Variants in LINGO2 observed in about 807,000 individuals in gnomAD.
LINGO2 encodes the protein leucine-rich repeat and immunoglobulin-like domain-containing nogo receptor-interacting protein 2.
In LINGO2, 14 loss-of-function variants were observed where a neutral mutation model predicts 30.6. That is an observed-to-expected ratio of 0.46 (90% CI 0.30 to 0.72). LINGO2 has a LOEUF of 0.72. Among genes scored for constraint, LINGO2 ranks in the 30% least tolerant of loss-of-function variants. The pLI, the probability that LINGO2 is intolerant of heterozygous loss-of-function variation, is 0.07. For synonymous variants in LINGO2, 317 were observed against 288.5 expected (o/e 1.10, Z -1.00); for missense variants, 729 against 751.7 (o/e 0.97, Z 0.35).
chr9:28,787,851 TA>T, the LINGO2 span, among the ~76,000 whole-genome samples: 4 of 152,190 alleles, frequency 2.6e-5, no homozygotes, highest in Non-Finnish European at 5.9e-5. Context: ...TTTTTAACTT[TA>T]AATTACATGG....
the LINGO2 span, among the ~76,000 whole-genome samples, chr9:28,727,305 A>G: frequency 6.6e-6 from 1 of 150,984 alleles, no homozygotes; most frequent in Non-Finnish European, 1.5e-5. Context: ...TTTTTTTCTG[A>G]AACAGAATCT....
chr9:28,955,524 G>A, the LINGO2 span, among the ~76,000 whole-genome samples: 2 of 152,214 alleles, frequency 1.3e-5, no homozygotes, highest in East Asian at 1.9e-4. Flanking sequence ...GATAGACCTA[G>A]GAATCTGCAG....
chr9:28,880,281 A>C, the LINGO2 span, among the ~76,000 whole-genome samples: 1 of 152,276 alleles, frequency 6.6e-6, no homozygotes, highest in East Asian at 1.9e-4. Context: ...TCCATTTTGA[A>C]AAAGACTTGT....
At chr9:28,043,891 C>T (rs563137363) in intron 4 of LINGO2, among the ~76,000 whole-genome samples, 2 of 152,270 alleles carry the variant, frequency 1.3e-5, no homozygotes, top group East Asian at 3.9e-4. Flanking sequence ...TGTTCAATTT[C>T]CCTGACATTT....
At chr9:28,243,658 G>A (rs1177470507) in intron 4 of LINGO2, among the ~76,000 whole-genome samples, 4 of 151,728 alleles carry the variant, frequency 2.6e-5, no homozygotes, top group South Asian at 4.2e-4. Flanking sequence ...CAAAAAAAAC[G>A]GGTTGGATTC....
chr9:28,636,817 G>T (rs62548203), intron 1 of LINGO2, among the ~76,000 whole-genome samples: 39 of 152,138 alleles, frequency 2.6e-4, no homozygotes, highest in Middle Eastern at 3.4e-3. Context: ...CAGAAGCTCT[G>T]TAGTTTAATT....
intron 4 of LINGO2, among the ~76,000 whole-genome samples, chr9:28,153,013 GATAA>G (rs1210300070): frequency 1.3e-5 from 2 of 152,028 alleles, no homozygotes; most frequent in African/African-American, 4.8e-5. Context: ...ATGAAGAAAA[GATAA>G]ATAACCCCCG....
intron 5 of LINGO2, among the ~76,000 whole-genome samples, chr9:27,998,818 C>T (rs1009989176): frequency 3.3e-5 from 5 of 151,962 alleles, no homozygotes; most frequent in African/African-American, 4.8e-5. Flanking sequence ...AAACAGAATT[C>T]GAGTAAGAAC....
In LINGO2 at chr9:28,555,681, C is replaced by T. The variant is rs540894414; in HGVS notation, c.-364-79656G>A. Among the ~76,000 whole-genome samples, 111 of 151,880 alleles carry T rather than the reference C, an allele frequency of 7.3e-4. 1 individual carries two copies. The highest frequency in any genetic ancestry group is 2.6e-3 in the African/African-American group (108 of 41,434). ...CATCATTCTGATACCAAAGCCGGGC[C>T]GAGACACAACCAAAAAAGCGAATTT... On this transcript the variant is annotated intron_variant, in intron 1 of 5. Coordinates refer to ENST00000379992, the Ensembl canonical transcript of LINGO2.
At chr9:28,875,566 T>A in the LINGO2 span, among the ~76,000 whole-genome samples, 3 of 152,196 alleles carry the variant, frequency 2.0e-5, no homozygotes, top group East Asian at 1.9e-4. Flanking sequence ...AAAAGGGGCA[T>A]ATATTGCATT....
At chr9:29,118,063 T>C in the LINGO2 span, among the ~76,000 whole-genome samples, 1 of 152,030 alleles carries the variant, frequency 6.6e-6, no homozygotes, top group Admixed American at 6.5e-5. Context: ...TTGACCAAGA[T>C]CTCCATGGAA....
the LINGO2 span, among the ~76,000 whole-genome samples, chr9:28,952,440 C>T: frequency 9.2e-5 from 14 of 152,150 alleles, no homozygotes; most frequent in African/African-American, 2.7e-4. Flanking sequence ...TATACATACT[C>T]TCTTTGCAAT....
the LINGO2 span, among the ~76,000 whole-genome samples, chr9:28,914,215 G>C: frequency 6.6e-6 from 1 of 152,102 alleles, no homozygotes; most frequent in Non-Finnish European, 1.5e-5. Flanking sequence ...CAAACAGATA[G>C]CATAAATGTA....
chr9:28,217,078 C>T (rs1181623944), intron 4 of LINGO2, among the ~76,000 whole-genome samples: 1 of 150,518 alleles, frequency 6.6e-6, no homozygotes, highest in Non-Finnish European at 1.5e-5. Context: ...GTGCTGATGT[C>T]AATAAATTCA....
intron 4 of LINGO2, among the ~76,000 whole-genome samples, chr9:28,021,851 C>T (rs1160780001): frequency 7.2e-6 from 1 of 138,300 alleles, no homozygotes; most frequent in Non-Finnish European, 1.5e-5. Context: ...GTTTTTAAGC[C>T]GAATCTTGAT....
chr9:29,046,139 AT>A, the LINGO2 span, among the ~76,000 whole-genome samples: 1 of 152,050 alleles, frequency 6.6e-6, no homozygotes, highest in African/African-American at 2.4e-5. Flanking sequence ...CTCTTGCCTG[AT>A]TGCTCTGGCT....
At chr9:28,677,108 A>G in the LINGO2 span, among the ~76,000 whole-genome samples, 1 of 152,118 alleles carries the variant, frequency 6.6e-6, no homozygotes, top group African/African-American at 2.4e-5. Context: ...CAACAGTCCA[A>G]ATATATTATT....
chr9:28,572,298 T>C (rs953749143), intron 1 of LINGO2, among the ~76,000 whole-genome samples: 1 of 152,108 alleles, frequency 6.6e-6, no homozygotes, highest in East Asian at 1.9e-4. Flanking sequence ...TTTTATCAAA[T>C]GGAATTGATT....
intron 3 of LINGO2, among the ~76,000 whole-genome samples, chr9:28,362,701 C>T (rs1407679244): frequency 1.3e-5 from 2 of 152,052 alleles, no homozygotes; most frequent in African/African-American, 4.8e-5. Flanking sequence ...AACTCCCAAC[C>T]TCAGGTAATC....
Sources: allele counts gnomAD v4.1 joint callset (sites outside exome capture counted in the v4.1 genomes callset), GRCh38; gene constraint gnomAD v4.1.1; transcripts MANE v1.5; gene names NCBI Gene and HGNC (gene_info 2026-07-23, HGNC 2026-07-21).